SOHLH2: variants seen among roughly 807,000 people sequenced by gnomAD.
SOHLH2 encodes the protein spermatogenesis and oogenesis specific basic helix-loop-helix 2.
SOHLH2 carries 22 observed loss-of-function variants against 50.4 expected under a neutral mutation model. The ratio of observed to expected loss-of-function variants is 0.44; its 90% CI spans 0.31 to 0.62. The LOEUF is 0.62. SOHLH2 is among the 20% of genes least tolerant of loss of function. SOHLH2 has a pLI of 0.08. For missense variants in SOHLH2, 412 were observed against 504.4 expected, an observed-to-expected ratio of 0.82 and a Z score of 1.76; for synonymous variants, 185 against 187.3, an observed-to-expected ratio of 0.99 and a Z score of 0.10.
intron 6 of SOHLH2, among the ~76,000 whole-genome samples, chr13:36,180,997 A>G (rs991680415): frequency 6.6e-6 from 1 of 152,194 alleles, no homozygotes; most frequent in Non-Finnish European, 1.5e-5. Context: ...TTTTAAAATT[A>G]TCTATTTGTC....
chr13:36,196,128 T>TAGATAGATAA (rs1566043063), intron 2 of SOHLH2, among the ~76,000 whole-genome samples: 52 of 98,204 alleles, frequency 5.3e-4, no homozygotes, highest in Admixed American at 1.2e-3. Context: ...AGATAGATAA[T>TAGATAGATAA]TTTTTTTTTT....
At chr13:36,213,578 C>T (rs1869245558) in intron 1 of SOHLH2, among the ~76,000 whole-genome samples, 1 of 152,192 alleles carries the variant, frequency 6.6e-6, no homozygotes, top group Non-Finnish European at 1.5e-5. Context: ...CCTACGCTTT[C>T]CTCCTAGTGG....
intron 10 of SOHLH2, among the ~76,000 whole-genome samples, chr13:36,169,520 G>A (rs1051470454): frequency 1.3e-5 from 2 of 152,074 alleles, no homozygotes; most frequent in Non-Finnish European, 2.9e-5. Context: ...ATCACTTCAG[G>A]GATTCTCATA....
chr13:36,201,830 T>C, intron 2 of SOHLH2, 49 bp downstream of exon 2: 1 of 1,593,576 alleles, frequency 6.3e-7, no homozygotes, highest in Non-Finnish European at 8.5e-7. Context: ...AAAATGGGTT[T>C]TTAAAAAAAT....
chr13:36,183,068 G>A (rs1048958622), intron 6 of SOHLH2: 2 of 237,022 alleles, frequency 8.4e-6, no homozygotes, highest in Non-Finnish European at 1.9e-5. Flanking sequence ...AGAGTTTGGG[G>A]CCTCTCCTTT....
chr13:36,182,180 A>C, intron 6 of SOHLH2: 1 of 985,420 alleles, frequency 1.0e-6, no homozygotes, highest in Non-Finnish European at 1.2e-6. Context: ...GAAATGCAGG[A>C]GCAAAAGATG....
chr13:36,174,355 G>A (rs979785673), intron 8 of SOHLH2, 121 bp downstream of exon 8: 2 of 1,298,212 alleles, frequency 1.5e-6, no homozygotes, highest in East Asian at 2.4e-5. Context: ...AGAAAAGTTC[G>A]CTGACCCTTA....
chr13:36,213,670 G>A (rs1479704852), intron 1 of SOHLH2, among the ~76,000 whole-genome samples: 1 of 152,188 alleles, frequency 6.6e-6, no homozygotes, highest in Non-Finnish European at 1.5e-5. Flanking sequence ...AAAATAAGGT[G>A]CTTTCAAGAG....
At chr13:36,178,823 T>G (rs1057072906) in intron 6 of SOHLH2, among the ~76,000 whole-genome samples, 5 of 151,760 alleles carry the variant, frequency 3.3e-5, no homozygotes, top group East Asian at 1.9e-4. Context: ...ATCATTTGTT[T>G]TTTTTTTTTT....
chr13:36,193,899 C>G (rs745861269), intron 2 of SOHLH2, 32 bp from the exon 3 acceptor site: 4 of 1,576,838 alleles, frequency 2.5e-6, no homozygotes, highest in South Asian at 1.2e-5. Context: ...TAAAATGAAG[C>G]AAAATCATTA....
At chr13:36,209,158 AT>A (rs1566048039) in intron 1 of SOHLH2, among the ~76,000 whole-genome samples, 1 of 151,950 alleles carries the variant, frequency 6.6e-6, no homozygotes, top group African/African-American at 2.4e-5. Flanking sequence ...AGATTTCTTC[AT>A]TTTTCAGATT....
chr13:36,177,715 T>C (rs993957670), intron 6 of SOHLH2, among the ~76,000 whole-genome samples: 1 of 152,172 alleles, frequency 6.6e-6, no homozygotes, highest in Admixed American at 6.5e-5. Context: ...ATAGCTTCCT[T>C]TGTCAAGCGT....
intron 1 of SOHLH2, among the ~76,000 whole-genome samples, chr13:36,210,590 T>A (rs1165176776): frequency 6.6e-6 from 1 of 152,172 alleles, no homozygotes; most frequent in African/African-American, 2.4e-5. Context: ...CTTGAAGGAA[T>A]CATCACATTT....
At chr13:36,203,139 G>A (rs1254309553) in intron 1 of SOHLH2, among the ~76,000 whole-genome samples, 1 of 152,072 alleles carries the variant, frequency 6.6e-6, no homozygotes, top group Non-Finnish European at 1.5e-5. Flanking sequence ...TCCCTTCTCT[G>A]AAAGGAACTG....
At chr13:36,169,630 T>C (rs1187268538) in intron 10 of SOHLH2, among the ~76,000 whole-genome samples, 1 of 152,210 alleles carries the variant, frequency 6.6e-6, no homozygotes, top group Non-Finnish European at 1.5e-5. Flanking sequence ...TTAGCAACTA[T>C]ATTAAAGTTA....
chr13:36,192,832 G>A (rs1887614886), intron 4 of SOHLH2, among the ~76,000 whole-genome samples: 1 of 152,146 alleles, frequency 6.6e-6, no homozygotes, highest in South Asian at 2.1e-4. Context: ...AGACAATACA[G>A]TATTGTTAAC....
chr13:36,173,572 A>G, intron 9 of SOHLH2, 120 bp downstream of exon 9: 1 of 1,167,928 alleles, frequency 8.6e-7, no homozygotes, highest in Non-Finnish European at 1.2e-6. Flanking sequence ...TGACAATACC[A>G]GAAGGACTCA....
chr13:36,199,498 T>G (rs1887834531), intron 2 of SOHLH2, among the ~76,000 whole-genome samples: 1 of 152,216 alleles, frequency 6.6e-6, no homozygotes, highest in East Asian at 1.9e-4. Flanking sequence ...TTGGGAATAG[T>G]GCAACAGGAG....
intron 1 of SOHLH2, among the ~76,000 whole-genome samples, chr13:36,211,435 G>C (rs1468012278): frequency 1.3e-5 from 2 of 152,220 alleles, no homozygotes; most frequent in Non-Finnish European, 1.5e-5. Flanking sequence ...AGGAGCACAA[G>C]GTGAACAAAC....
Sources: gnomAD v4.1 joint callset for allele counts (sites outside exome capture counted in the v4.1 genomes callset) on GRCh38, gnomAD v4.1.1 for gene constraint, MANE v1.5 for transcripts, NCBI Gene and HGNC (gene_info 2026-07-23, HGNC 2026-07-21) for gene names.